WWOX: variants seen among roughly 807,000 people sequenced by gnomAD.
WWOX encodes WW domain containing oxidoreductase.
A neutral mutation model predicts 46.2 loss-of-function variants in WWOX; 69 were observed. That is an observed-to-expected ratio of 1.49 (90% CI 1.23 to 1.82). The LOEUF is 1.82. Ranked by LOEUF, WWOX falls within the 40% of genes most tolerant of loss-of-function variation. WWOX has a pLI of 0.00. For synonymous variants in WWOX, 359 were observed against 202.6 expected (o/e 1.77, Z -6.56); for missense variants, 919 against 542.6 (o/e 1.69, Z -6.89).
intron 8 of WWOX, among the ~76,000 whole-genome samples, chr16:78,827,633 G>C (rs1420911509): frequency 1.3e-5 from 2 of 150,896 alleles, no homozygotes; most frequent in Non-Finnish European, 2.9e-5. Context: ...AGGACTTCGA[G>C]ACCAGCCTGG....
At chr16:79,018,877 G>T (rs186277692) in intron 8 of WWOX, among the ~76,000 whole-genome samples, 1 of 152,210 alleles carries the variant, frequency 6.6e-6, no homozygotes, top group Non-Finnish European at 1.5e-5. Flanking sequence ...AGGGCTGGGC[G>T]TGGTGGCTCA....
At chr16:78,122,191 A>C (rs8060519) in intron 4 of WWOX, among the ~76,000 whole-genome samples, 21,096 of 152,164 alleles carry the variant, frequency 0.14, 1,707 homozygotes, top group East Asian at 0.22. Flanking sequence ...AGGGTTTGGT[A>C]CTATCCAGTT....
At chr16:78,805,173 A>C (rs2050996972) in intron 8 of WWOX, among the ~76,000 whole-genome samples, 1 of 152,236 alleles carries the variant, frequency 6.6e-6, no homozygotes, top group Non-Finnish European at 1.5e-5. Flanking sequence ...AAGAATATTT[A>C]ACCAAGAAAG....
At chr16:78,834,823 A>G (rs944718389) in intron 8 of WWOX, among the ~76,000 whole-genome samples, 52 of 152,360 alleles carry the variant, frequency 3.4e-4, no homozygotes, top group Non-Finnish European at 2.5e-4. Context: ...TATGCAATAT[A>G]TAAATATGAA....
At chr16:78,832,608 A>G (rs2051862494) in intron 8 of WWOX, among the ~76,000 whole-genome samples, 1 of 152,090 alleles carries the variant, frequency 6.6e-6, no homozygotes, top group Non-Finnish European at 1.5e-5. Context: ...GGAGTGTGGG[A>G]AAATGCGTCC....
intron 8 of WWOX, among the ~76,000 whole-genome samples, chr16:78,847,689 C>G (rs914566317): frequency 6.6e-6 from 1 of 151,390 alleles, no homozygotes; most frequent in Non-Finnish European, 1.5e-5. Context: ...CTCTCAGTTT[C>G]TTCTTCTATA....
At chr16:78,508,355 A>G (rs1476463415) in intron 8 of WWOX, among the ~76,000 whole-genome samples, 1 of 123,160 alleles carries the variant, frequency 8.1e-6, no homozygotes, top group East Asian at 2.5e-4. Context: ...CTCATCAGCT[A>G]TTGTTAGTGT....
chr16:79,211,034 A>AGTGTGTGTGTGTGTGTGT lies in WWOX; in HGVS notation c.1057-568_1057-551dup, dbSNP rs58334968. The stretch of plus-strand genomic sequence containing the variant: ...TGCTAAGTATGAATGTATGGTGAGG[A>AGTGTGTGTGTGTGTGTGT]GTGTGTGTGTGTGTGTGTGTGTGCA... On this transcript the variant is annotated intron_variant, in intron 8 of 8. Transcript: ENST00000566780. Among the ~76,000 whole-genome samples, 1,229 of 149,702 alleles carry AGTGTGTGTGTGTGTGTGT rather than the reference A, an allele frequency of 8.2e-3. 6 individuals are homozygous for AGTGTGTGTGTGTGTGTGT. The highest frequency in any genetic ancestry group is 0.012 in the African/African-American group (482 of 40,920).
intron 8 of WWOX, among the ~76,000 whole-genome samples, chr16:78,835,652 G>C (rs551836199): frequency 5.5e-4 from 84 of 152,334 alleles, no homozygotes; most frequent in Admixed American, 2.4e-3. Flanking sequence ...GAGATGCGAC[G>C]TGACTTGCCT....
chr16:79,093,216 C>T (rs915796313), intron 8 of WWOX, among the ~76,000 whole-genome samples: 3 of 151,990 alleles, frequency 2.0e-5, no homozygotes, highest in Non-Finnish European at 2.9e-5. Flanking sequence ...ACAAATGTCA[C>T]GGTGTGGTTG....
chr16:78,378,065 A>T (rs1020143765), intron 5 of WWOX, among the ~76,000 whole-genome samples: 1 of 152,070 alleles, frequency 6.6e-6, no homozygotes, highest in Admixed American at 6.5e-5. Flanking sequence ...TTTGAAGGTT[A>T]GGAATGGCAA....
At chr16:78,601,449 A>AT (rs911616532) in intron 8 of WWOX, among the ~76,000 whole-genome samples, 1 of 151,342 alleles carries the variant, frequency 6.6e-6, no homozygotes, top group Non-Finnish European at 1.5e-5. Context: ...GAGAAAAAAA[A>AT]AAAAGAAAGG....
At chr16:78,212,331 G>A (rs2036585374) in intron 5 of WWOX, among the ~76,000 whole-genome samples, 1 of 152,188 alleles carries the variant, frequency 6.6e-6, no homozygotes, top group Non-Finnish European at 1.5e-5. Flanking sequence ...ATTTGCATTG[G>A]CGAAAGCAAG....
chr16:79,179,045 C>G (rs1292346873), intron 8 of WWOX, among the ~76,000 whole-genome samples: 1 of 152,106 alleles, frequency 6.6e-6, no homozygotes, highest in Non-Finnish European at 1.5e-5. Context: ...CCTGCCTCAG[C>G]AATATTCTGT....
chr16:78,411,514 C>T (rs2082679769), intron 6 of WWOX, among the ~76,000 whole-genome samples: 1 of 152,096 alleles, frequency 6.6e-6, no homozygotes, highest in Non-Finnish European at 1.5e-5. Context: ...GTGGATGATT[C>T]ACCTGCCTGG....
chr16:78,398,159 G>T (rs532615056), intron 6 of WWOX, among the ~76,000 whole-genome samples: 1 of 152,254 alleles, frequency 6.6e-6, no homozygotes, highest in East Asian at 1.9e-4. Context: ...TCACTCTCAA[G>T]TGCAAACCCA....
intron 8 of WWOX, among the ~76,000 whole-genome samples, chr16:78,632,436 G>A (rs2046455625): frequency 6.6e-6 from 1 of 151,616 alleles, no homozygotes; most frequent in African/African-American, 2.4e-5. Flanking sequence ...CGTCGCAGAT[G>A]TTATTTTTTT....
At chr16:78,733,079 C>T (rs1461607028) in intron 8 of WWOX, among the ~76,000 whole-genome samples, 2 of 152,180 alleles carry the variant, frequency 1.3e-5, no homozygotes, top group Non-Finnish European at 1.5e-5. Context: ...GTTCCCCAAA[C>T]TTCCGCCTTT....
chr16:78,958,763 G>T (rs1001321045), intron 8 of WWOX, among the ~76,000 whole-genome samples: 2 of 152,198 alleles, frequency 1.3e-5, no homozygotes, highest in African/African-American at 4.8e-5. Context: ...AGTCGTCAAT[G>T]CCACTTTGGA....
Sources: gnomAD v4.1 joint callset for allele counts (sites outside exome capture counted in the v4.1 genomes callset) on GRCh38, gnomAD v4.1.1 for gene constraint, MANE v1.5 for transcripts, NCBI Gene and HGNC (gene_info 2026-07-23, HGNC 2026-07-21) for gene names.